The following COL14A1 variants were observed in gnomAD, a reference collection of about 807,000 sequenced individuals.
COL14A1 encodes collagen alpha-1(XIV) chain.
Under a neutral mutation model 230.3 loss-of-function variants are expected in COL14A1, and 136 were observed. The observed-to-expected ratio is 0.59, with a 90% CI of 0.51 to 0.68. COL14A1 has a LOEUF of 0.68. Among genes scored for constraint, COL14A1 ranks in the 30% least tolerant of loss-of-function variants. The probability of loss-of-function intolerance (pLI) is 0.00; values close to 1 mark genes in which losing one functional copy is unlikely to be tolerated. For missense variants in COL14A1, 1,976 were observed against 2,215.8 expected (o/e 0.89, Z 2.17); for synonymous variants, 792 against 784.1 (o/e 1.01, Z -0.17).
At chr8:120,332,065 A>G (rs552375712) in intron 40 of COL14A1, 76 bp from the exon 41 acceptor site, 197 of 1,282,662 alleles carry the variant, frequency 1.5e-4, no homozygotes, top group Non-Finnish European at 2.0e-4. Flanking sequence ...CCAAACATGA[A>G]AAGGAACTAA....
At chr8:120,167,632 G>C (rs1164528100) in intron 4 of COL14A1, among the ~76,000 whole-genome samples, 1 of 152,184 alleles carries the variant, frequency 6.6e-6, no homozygotes, top group Admixed American at 6.5e-5. Context: ...TGTATTAATA[G>C]AGACCTTTTT....
At chr8:120,194,438 A>C (rs1816956515) in intron 5 of COL14A1, among the ~76,000 whole-genome samples, 1 of 151,920 alleles carries the variant, frequency 6.6e-6, no homozygotes, top group Non-Finnish European at 1.5e-5. Flanking sequence ...ACCATACCCC[A>C]CACTTATGCT....
intron 5 of COL14A1, among the ~76,000 whole-genome samples, chr8:120,180,179 G>A (rs930482265): frequency 6.6e-6 from 1 of 152,066 alleles, no homozygotes; most frequent in Non-Finnish European, 1.5e-5. Context: ...GATAAGACAT[G>A]ATTTCTCTCC....
chr8:120,227,311 A>T lies in COL14A1; in HGVS notation c.2096A>T (p.Asp699Val). Residue 699 changes from aspartate (D) to valine (V), a missense_variant, in exon 17 of 48, where the codon GAT (aspartate) becomes GTT (valine). Coordinates refer to ENST00000297848, the MANE Select transcript of COL14A1 (RefSeq NM_021110.4). ...YEVSLLAVLDDGSESEVVTAV... is the reference protein window; with the variant it reads ...YEVSLLAVLDVGSESEVVTAV... ...GTTTCACTATTGGCCGTACTTGATG[A>T]TGGAAGCGAGAGTGAGGTGGTGACT... 6.2e-7 allele frequency: 1 copy of T among 1,613,982 alleles called. No homozygotes were observed. Among genetic ancestry groups the T allele is most frequent in the Non-Finnish European group, 8.5e-7 (1 of 1,179,990 alleles).
Position 120,237,552 on chromosome 8 carries a change from G to T in COL14A1, c.2349+5934G>T, listed in dbSNP as rs28818179. On this transcript the variant is annotated intron_variant, in intron 19 of 47. Transcript: ENST00000297848. The stretch of plus-strand genomic sequence containing the variant: ...TTCTTAGCTTCCTTGCATTGGGTTA[G>T]AATATGCTCCTTTAGCTCGGAGGAG... Among the ~76,000 whole-genome samples the T allele has an allele frequency of 7.0e-4, 107 of 152,264 alleles. 1 individual carries two copies. Among genetic ancestry groups the T allele is most frequent in the African/African-American group, 2.5e-3 (102 of 41,546 alleles).
At position 120,141,151 on chromosome 8, in the gene COL14A1, C is replaced by G. The variant is rs141844729; in HGVS notation, c.-37-6655C>G. On this transcript the variant is annotated intron_variant, in intron 1 of 47. Coordinates refer to ENST00000297848, the MANE Select transcript of COL14A1 (RefSeq NM_021110.4). ...TTTTTCTTGCCCTTACTTTACTGTC[C>G]AAAAGTTTGGGGACTTGGCAGAAAA... Among the ~76,000 whole-genome samples, 424 of 152,144 alleles carry G rather than the reference C, an allele frequency of 2.8e-3. 1 individual carries two copies. Among genetic ancestry groups the G allele is most frequent in the Non-Finnish European group, 4.1e-3 (280 of 68,000 alleles).
At chr8:120,184,158 G>A (rs1216154005) in intron 5 of COL14A1, among the ~76,000 whole-genome samples, 1 of 152,048 alleles carries the variant, frequency 6.6e-6, no homozygotes, top group Non-Finnish European at 1.5e-5. Context: ...ATATAAAAAA[G>A]GAAGCAAAGG....
chr8:120,219,184 G>A (rs994560277), intron 14 of COL14A1, among the ~76,000 whole-genome samples: 3 of 152,076 alleles, frequency 2.0e-5, no homozygotes, highest in Non-Finnish European at 2.9e-5. Context: ...TAGTGTGATC[G>A]TGGCTCACTG....
chr8:120,315,887 G>C (rs767610215), intron 39 of COL14A1, 57 bp from the exon 40 acceptor site: 2 of 1,569,612 alleles, frequency 1.3e-6, no homozygotes, highest in East Asian at 4.5e-5. Context: ...GGGAAGCTGC[G>C]TGAGCAGATG....
intron 22 of COL14A1, 54 bp downstream of exon 22, chr8:120,250,820 T>C: frequency 1.3e-6 from 2 of 1,596,934 alleles, no homozygotes; most frequent in Non-Finnish European, 1.7e-6. Context: ...TTTTGTTTTG[T>C]TTTTTGAGAT....
At chr8:120,199,966 G>A (rs576553564) in intron 8 of COL14A1, among the ~76,000 whole-genome samples, 15 of 107,416 alleles carry the variant, frequency 1.4e-4, no homozygotes, top group Admixed American at 3.7e-4. Context: ...CTGCAACTAC[G>A]TAAAGAAGAC....
In COL14A1 at chr8:120,373,435, A is replaced by C. The variant is rs1175696037; in HGVS notation, c.*2204A>C. Among the ~76,000 whole-genome samples, 1 of 152,196 alleles carries C rather than the reference A, an allele frequency of 6.6e-6. No individual in the cohort carries two copies. The highest frequency in any genetic ancestry group is 1.5e-5 in the Non-Finnish European group (1 of 68,022). ...TCAGATTCTGGATGTTCGAGTTTAC[A>C]ATACATTGCCTGTAATAAAAGCTGA... On this transcript the variant is annotated 3_prime_UTR_variant, in exon 48 of 48. Transcript: ENST00000297848.
intron 14 of COL14A1, among the ~76,000 whole-genome samples, chr8:120,222,422 G>A (rs1817959544): frequency 6.6e-6 from 1 of 152,230 alleles, no homozygotes; most frequent in Admixed American, 6.5e-5. Context: ...GCTCTGCCAT[G>A]TGGTGTCAGC....
chr8:120,336,322 G>A lies in COL14A1; in HGVS notation c.4785+3587G>A, dbSNP rs112926688. Among the ~76,000 whole-genome samples the A allele has an allele frequency of 1.6e-3, 237 of 152,184 alleles. 3 individuals carry two copies. Among genetic ancestry groups the A allele is most frequent in the Middle Eastern group, 0.01 (3 of 294 alleles). On this transcript the variant is annotated intron_variant, in intron 42 of 47. Transcript: ENST00000297848. ...CATTTAGATGAGATCTTAGAATATG[G>A]GTAGGAACCTAACCCACAAAGACAG...
intron 45 of COL14A1, among the ~76,000 whole-genome samples, chr8:120,358,359 T>C (rs1298872985): frequency 6.6e-6 from 1 of 152,142 alleles, no homozygotes; most frequent in African/African-American, 2.4e-5. Context: ...TTAATGTACA[T>C]TTTTCTTTTA....
intron 2 of COL14A1, among the ~76,000 whole-genome samples, chr8:120,152,695 G>T (rs988787727): frequency 6.6e-6 from 1 of 152,032 alleles, no homozygotes; most frequent in Non-Finnish European, 1.5e-5. Context: ...CTAGAATACA[G>T]AAAAAGTAGT....
chr8:120,220,108 A>G (rs1309050463), intron 14 of COL14A1, among the ~76,000 whole-genome samples: 2 of 152,122 alleles, frequency 1.3e-5, no homozygotes, highest in Admixed American at 6.6e-5. Context: ...TAGAATATAT[A>G]ATTTTAAGGA....
chr8:120,193,351 C>A (rs1204094833), intron 5 of COL14A1, among the ~76,000 whole-genome samples: 1 of 152,172 alleles, frequency 6.6e-6, no homozygotes, highest in Non-Finnish European at 1.5e-5. Flanking sequence ...ACGGTGGCTG[C>A]AGAACAGTAG....
intron 5 of COL14A1, among the ~76,000 whole-genome samples, chr8:120,172,571 T>C (rs1816128754): frequency 6.6e-6 from 1 of 152,166 alleles, no homozygotes. Flanking sequence ...GTCTTAAGGG[T>C]GTGCTCCTTC....
Sources: allele counts gnomAD v4.1 joint callset (sites outside exome capture counted in the v4.1 genomes callset), GRCh38; gene constraint gnomAD v4.1.1; transcripts MANE v1.5; gene names NCBI Gene and HGNC (gene_info 2026-07-23, HGNC 2026-07-21).